ST8SIA2: variants seen among roughly 807,000 people sequenced by gnomAD.
ST8SIA2 encodes alpha-2,8-sialyltransferase 8B.
ST8SIA2 carries 22 observed loss-of-function variants against 37.6 expected under a neutral mutation model. The observed-to-expected ratio is 0.58, with a 90% CI of 0.42 to 0.83. The LOEUF (loss-of-function observed/expected upper bound fraction) is 0.83, where lower values mean the gene tolerates loss of function less well. Ranked by LOEUF, ST8SIA2 falls within the 40% of genes least tolerant of loss-of-function variation. ST8SIA2 has a pLI of 0.00. For synonymous variants in ST8SIA2, 205 were observed against 201.2 expected, an observed-to-expected ratio of 1.02 and a Z score of -0.16; for missense variants, 382 against 484.7, an observed-to-expected ratio of 0.79 and a Z score of 1.99.
Position 92,468,244 on chromosome 15 carries a change from G to A in ST8SIA2, c.*3859G>A, listed in dbSNP as rs560854133. 1.3e-5 allele frequency: 2 copies of A among 152,664 alleles called. No homozygotes were observed. The highest frequency in any genetic ancestry group is 1.9e-4 in the East Asian group (1 of 5,178). The allele number at this position is 152,664 out of a possible 1,614,324, so 9.5% of individuals were successfully genotyped here. A position where few individuals can be genotyped will look rare whatever the true frequency, so the allele number is the denominator to read the frequency against. On this transcript the variant is annotated 3_prime_UTR_variant, in exon 6 of 6. Coordinates refer to ENST00000268164, the MANE Select transcript of ST8SIA2 (RefSeq NM_006011.4). ...GCACACAAACCTTTAAAAGTTCCCCGGCCCGTGAACAAATGTACAATTCTC... is the reference window on the plus strand; with the variant it reads ...GCACACAAACCTTTAAAAGTTCCCCAGCCCGTGAACAAATGTACAATTCTC...
intron 5 of ST8SIA2, among the ~76,000 whole-genome samples, chr15:92,457,961 C>T (rs181913215): frequency 9.7e-4 from 147 of 152,316 alleles, no homozygotes; most frequent in African/African-American, 3.3e-3. Flanking sequence ...ATTCCTGTCC[C>T]AGCTGGCCGC....
At chr15:92,430,760 G>A (rs2049709691) in intron 2 of ST8SIA2, among the ~76,000 whole-genome samples, 1 of 152,162 alleles carries the variant, frequency 6.6e-6, no homozygotes, top group African/African-American at 2.4e-5. Context: ...GCTATGGCCT[G>A]TAGTCTTATA....
In ST8SIA2 at chr15:92,427,514, T is replaced by G. The variant is rs142828947; in HGVS notation, c.99-2535T>G. Among the ~76,000 whole-genome samples the G allele has an allele frequency of 8.1e-3, 1,232 of 152,296 alleles. 11 individuals carry two copies. The highest frequency in any genetic ancestry group is 0.028 in the African/African-American group (1,155 of 41,572). On this transcript the variant is annotated intron_variant, in intron 1 of 5. Transcript: ENST00000268164. Reference sequence around the variant, plus strand: ...GTTTGCTTTTAGTACAAGCCAAATTTTGGATTTTTATAAAGTTAAATCTGT... The same window carrying G: ...GTTTGCTTTTAGTACAAGCCAAATTGTGGATTTTTATAAAGTTAAATCTGT...
intron 3 of ST8SIA2, among the ~76,000 whole-genome samples, chr15:92,435,068 C>T (rs1237651443): frequency 6.6e-6 from 1 of 152,198 alleles, no homozygotes; most frequent in Non-Finnish European, 1.5e-5. Context: ...CCATGATTGA[C>T]CCAGCAAATA....
Position 92,468,327 on chromosome 15 carries a change from G to A in ST8SIA2, c.*3942G>A, listed in dbSNP as rs2050007852. The stretch of plus-strand genomic sequence containing the variant: ...CCATTCTTCCTTTACACCCTCCCCT[G>A]GTCAGCCTAGGAGAGTTGTTTTTCC... On this transcript the variant is annotated 3_prime_UTR_variant, in exon 6 of 6. Transcript: ENST00000268164. 6.6e-6 allele frequency: 1 copy of A among 152,574 alleles called. No individual in the cohort carries two copies. The highest frequency in any genetic ancestry group is 1.5e-5 in the Non-Finnish European group (1 of 68,060). The allele number at this position is 152,574 out of a possible 1,614,324, so 9.5% of individuals were successfully genotyped here.
chr15:92,405,738 A>G lies in ST8SIA2; in HGVS notation c.98+11576A>G, dbSNP rs1420325432. 3.3e-5 allele frequency among the ~76,000 whole-genome samples: 5 copies of G among 152,204 alleles called. No individual in the cohort carries two copies. In the South Asian group the frequency reaches 6.2e-4, roughly 19 times the overall value. On this transcript the variant is annotated intron_variant, in intron 1 of 5. Coordinates refer to ENST00000268164, the MANE Select transcript of ST8SIA2 (RefSeq NM_006011.4). ...AAAATACAAATCATCACTTTGTTGT[A>G]TGTTTGGATACACAAGCTGGAGGTG...
At chr15:92,447,457 A>G (rs1161504560) in intron 5 of ST8SIA2, among the ~76,000 whole-genome samples, 3 of 152,266 alleles carry the variant, frequency 2.0e-5, no homozygotes, top group Non-Finnish European at 4.4e-5. Context: ...GTCAGGCCCT[A>G]TACCCAATTG....
intron 1 of ST8SIA2, among the ~76,000 whole-genome samples, chr15:92,407,126 T>C (rs150388707): frequency 2.0e-5 from 3 of 152,270 alleles, no homozygotes; most frequent in Non-Finnish European, 2.9e-5. Flanking sequence ...ACATTTATTA[T>C]AAAACCCCTG....
At chr15:92,394,418 G>A (rs1365229109) in intron 1 of ST8SIA2, among the ~76,000 whole-genome samples, 1 of 152,122 alleles carries the variant, frequency 6.6e-6, no homozygotes, top group African/African-American at 2.4e-5. Flanking sequence ...GCGTCGGGAA[G>A]CGGACTCGCC....
chr15:92,415,322 G>A lies in ST8SIA2; in HGVS notation c.99-14727G>A, dbSNP rs7497681. Among the ~76,000 whole-genome samples the A allele has an allele frequency of 2.7e-3, 405 of 151,982 alleles. 4 individuals carry two copies. Among genetic ancestry groups the A allele is most frequent in the African/African-American group, 9.0e-3 (374 of 41,448 alleles). ...GAGACTGAGAAGAGGCAAGAAACTAGCACCTCTGCCATTTCCTTAGGGCCT... is the reference window on the plus strand; with the variant it reads ...GAGACTGAGAAGAGGCAAGAAACTAACACCTCTGCCATTTCCTTAGGGCCT... On this transcript the variant is annotated intron_variant, in intron 1 of 5. Transcript: ENST00000268164.
At chr15:92,423,315 G>C (rs952975618) in intron 1 of ST8SIA2, among the ~76,000 whole-genome samples, 8 of 152,214 alleles carry the variant, frequency 5.3e-5, no homozygotes. Flanking sequence ...CAGGTACTCA[G>C]GAGGCTGAGA....
chr15:92,440,915 A>G (rs1157361175), intron 4 of ST8SIA2, among the ~76,000 whole-genome samples: 1 of 152,182 alleles, frequency 6.6e-6, no homozygotes, highest in Non-Finnish European at 1.5e-5. Context: ...TTAATTCCCC[A>G]TGGACTCTGT....
intron 1 of ST8SIA2, among the ~76,000 whole-genome samples, chr15:92,412,537 C>T (rs2049557370): frequency 6.6e-6 from 1 of 152,340 alleles, no homozygotes; most frequent in Non-Finnish European, 1.5e-5. Flanking sequence ...AGGCTGGTTC[C>T]CCATCTTCCT....
intron 4 of ST8SIA2, among the ~76,000 whole-genome samples, chr15:92,443,412 G>T (rs1217179679): frequency 6.6e-6 from 1 of 152,228 alleles, no homozygotes; most frequent in African/African-American, 2.4e-5. Flanking sequence ...AGCAGAGGCT[G>T]CTCACCCAGG....
intron 4 of ST8SIA2, among the ~76,000 whole-genome samples, chr15:92,442,557 C>T (rs1051269146): frequency 5.9e-5 from 9 of 152,186 alleles, no homozygotes; most frequent in African/African-American, 2.2e-4. Context: ...GCTCTCAGGA[C>T]CCAGAGCTTG....
intron 4 of ST8SIA2, 45 bp downstream of exon 4, chr15:92,438,655 G>A (rs1378950589): frequency 1.3e-6 from 2 of 1,543,320 alleles, no homozygotes; most frequent in African/African-American, 1.4e-5. Context: ...CGGCGGGCAG[G>A]CTGTGTTTCA....
intron 2 of ST8SIA2, among the ~76,000 whole-genome samples, chr15:92,430,452 A>C (rs1192222744): frequency 2.6e-5 from 4 of 152,210 alleles, no homozygotes; most frequent in Admixed American, 2.6e-4. Flanking sequence ...CAGCATTTTC[A>C]CTCAATTTCA....
chr15:92,464,229 G>T lies in ST8SIA2; in HGVS notation c.972G>T (p.Gln324His), dbSNP rs1283695290. 1 of 1,613,988 alleles carries T rather than the reference G, an allele frequency of 6.2e-7. No individual in the cohort carries two copies. The highest frequency in any genetic ancestry group is 1.3e-5 in the African/African-American group (1 of 74,988). The change falls in exon 6 of 6, where the codon CAG becomes CAT. Residue 324 changes from glutamine to histidine, a missense_variant. Gln to His is a conservative substitution (Grantham distance 24, BLOSUM62 0). Transcript: ENST00000268164. ...GFWPFPLDQN[Q>H]NPVKYHYYDS... Reference sequence around the variant, plus strand: ...GGCCCTTTCCGCTGGATCAGAACCAGAACCCAGTCAAGTACCACTATTATG... The same window carrying T: ...GGCCCTTTCCGCTGGATCAGAACCATAACCCAGTCAAGTACCACTATTATG...
intron 5 of ST8SIA2, among the ~76,000 whole-genome samples, chr15:92,445,599 G>A (rs970001080): frequency 1.3e-5 from 2 of 152,144 alleles, no homozygotes; most frequent in Admixed American, 1.3e-4. Context: ...TCTCTAAGAT[G>A]GAGGGGAACT....
Sources: allele counts gnomAD v4.1 joint callset (sites outside exome capture counted in the v4.1 genomes callset), GRCh38; gene constraint gnomAD v4.1.1; transcripts MANE v1.5; gene names NCBI Gene and HGNC (gene_info 2026-07-23, HGNC 2026-07-21).